The following ENOPH1 variants were observed in gnomAD, a reference collection of about 807,000 sequenced individuals.
ENOPH1 encodes enolase-phosphatase 1, also known as enolase-phosphatase E1.
ENOPH1 carries 14 observed loss-of-function variants against 31.1 expected under a neutral mutation model. That is an observed-to-expected ratio of 0.45 (90% CI 0.30 to 0.70). The LOEUF (loss-of-function observed/expected upper bound fraction) is 0.70. Ranked by LOEUF, ENOPH1 falls within the 30% of genes least tolerant of loss-of-function variation. The pLI, the probability that ENOPH1 is intolerant of heterozygous loss-of-function variation, is 0.09. For synonymous variants in ENOPH1, 127 were observed against 123.2 expected (o/e 1.03, Z -0.21); for missense variants, 243 against 321.5 (o/e 0.76, Z 1.87).
intron 1 of ENOPH1, among the ~76,000 whole-genome samples, chr4:82,436,311 G>A (rs1013239841): frequency 2.0e-5 from 3 of 152,156 alleles, no homozygotes; most frequent in Non-Finnish European, 2.9e-5. Context: ...ATGGTAGTAC[G>A]TGAGAGGATT....
intron 2 of ENOPH1, among the ~76,000 whole-genome samples, chr4:82,448,617 A>G (rs991126879): frequency 3.3e-5 from 5 of 151,692 alleles, no homozygotes; most frequent in African/African-American, 1.2e-4. Flanking sequence ...CAATTTAAAT[A>G]GCTCTAGAAA....
rs1418149534 is a variant in ENOPH1, at chr4:82,451,071, C to T, written c.215C>T (p.Ala72Val). The stretch of plus-strand genomic sequence containing the variant: ...GAAGAGGACGCCCACCTGGATGGGG[C>T]TGTTCCTATCCCTGCAGCATCTGGG... ...QAEEDAHLDG[A>V]VPIPAASGNG... Residue 72 changes from alanine (A) to valine (V), a missense_variant, in exon 3 of 6, where the codon GCT (alanine) becomes GTT (valine). By Grantham distance (64) the Ala-to-Val change is moderately conservative. Transcript: ENST00000273920. The T allele has an allele frequency of 1.2e-6, 2 of 1,614,152 alleles. No homozygotes were observed. Among genetic ancestry groups the T allele is most frequent in the South Asian group, 2.2e-5 (2 of 91,084 alleles).
rs189538159 is a variant in ENOPH1, at chr4:82,441,801, T to C, written c.85-6119T>C. 1.5e-4 allele frequency among the ~76,000 whole-genome samples: 22 copies of C among 151,534 alleles called. No homozygotes were observed. The East Asian group carries it at 4.3e-3, about 29-fold the overall frequency. Reference sequence around the variant, plus strand: ...AAAACAACAACAACAACAACAAAAATAAATTTAAAAAACCAAAAAAGCCTA... The same window carrying C: ...AAAACAACAACAACAACAACAAAAACAAATTTAAAAAACCAAAAAAGCCTA... On this transcript the variant is annotated intron_variant, in intron 1 of 5. Transcript: ENST00000273920.
At chr4:82,433,819 C>T (rs1337600768) in intron 1 of ENOPH1, among the ~76,000 whole-genome samples, 4 of 152,202 alleles carry the variant, frequency 2.6e-5, no homozygotes, top group Non-Finnish European at 5.9e-5. Flanking sequence ...TAGAGTATCT[C>T]AGTGACTAAT....
intron 5 of ENOPH1, among the ~76,000 whole-genome samples, chr4:82,457,621 A>C (rs1314962005): frequency 1.3e-5 from 2 of 151,090 alleles, no homozygotes; most frequent in Non-Finnish European, 3.0e-5. Context: ...CGCTATGTAC[A>C]CACACACACA....
intron 5 of ENOPH1, among the ~76,000 whole-genome samples, chr4:82,458,727 G>A (rs932109460): frequency 8.5e-5 from 13 of 152,276 alleles, no homozygotes; most frequent in African/African-American, 2.2e-4. Context: ...TGCCAGTCAC[G>A]ATGAAAACTT....
intron 1 of ENOPH1, among the ~76,000 whole-genome samples, chr4:82,432,533 AG>A (rs1023016661): frequency 6.6e-6 from 1 of 152,038 alleles, no homozygotes; most frequent in Non-Finnish European, 1.5e-5. Flanking sequence ...TTAGTAGAAG[AG>A]GGTTTCACCA....
intron 1 of ENOPH1, among the ~76,000 whole-genome samples, chr4:82,438,833 A>G (rs930078047): frequency 3.3e-5 from 5 of 151,754 alleles, no homozygotes; most frequent in Non-Finnish European, 5.9e-5. Context: ...AAAATTTTCT[A>G]TCCTTGCAGC....
intron 1 of ENOPH1, among the ~76,000 whole-genome samples, chr4:82,437,318 T>G (rs1209999779): frequency 6.6e-6 from 1 of 152,188 alleles, no homozygotes; most frequent in Non-Finnish European, 1.5e-5. Flanking sequence ...AGGAAGACAG[T>G]TACATAAATA....
intron 5 of ENOPH1, among the ~76,000 whole-genome samples, chr4:82,459,079 C>T (rs1013218031): frequency 6.6e-5 from 10 of 152,096 alleles, no homozygotes; most frequent in East Asian, 3.8e-4. Context: ...CTAAATTCCA[C>T]GGGATTTATA....
intron 5 of ENOPH1, among the ~76,000 whole-genome samples, chr4:82,458,220 A>G (rs919945687): frequency 6.6e-6 from 1 of 152,196 alleles, no homozygotes; most frequent in African/African-American, 2.4e-5. Flanking sequence ...AATATCCCAA[A>G]TAATGGCTGG....
intron 2 of ENOPH1, among the ~76,000 whole-genome samples, chr4:82,448,462 G>A (rs903621827): frequency 9.2e-5 from 14 of 151,578 alleles, no homozygotes; most frequent in East Asian, 2.0e-4. Context: ...GGGTTTCACC[G>A]CATTGGACAG....
rs1292770341 is a variant in ENOPH1, at chr4:82,460,618, G to A, written c.*498G>A. The stretch of plus-strand genomic sequence containing the variant: ...CCTCCTTATATATATCAAAGACCAA[G>A]GTATTTCCTTCTGCTTCAAAAGAAC... On this transcript the variant is annotated 3_prime_UTR_variant, in exon 6 of 6. Transcript: ENST00000273920. The A allele has an allele frequency of 6.6e-6, 1 of 152,216 alleles. No homozygotes were observed. Among genetic ancestry groups the A allele is most frequent in the Non-Finnish European group, 1.5e-5 (1 of 68,046 alleles). 9.4% of individuals were successfully genotyped at this position (152,216 alleles called of 1,614,324 possible).
chr4:82,449,436 G>A (rs1481067448), intron 2 of ENOPH1, among the ~76,000 whole-genome samples: 3 of 152,148 alleles, frequency 2.0e-5, no homozygotes, highest in African/African-American at 7.2e-5. Context: ...TCTGCTTCTG[G>A]GGAGACCTCA....
rs767256442 is a variant in ENOPH1, at chr4:82,460,140, A to G, written c.*20A>G. On this transcript the variant is annotated 3_prime_UTR_variant, in exon 6 of 6. Transcript: ENST00000273920. Reference sequence around the variant, plus strand: ...ACCTAGAGAAGGGTTGTTAAGGCAGACCGCCCTGTTCCCCAGAGTTGTCCC... The same window carrying G: ...ACCTAGAGAAGGGTTGTTAAGGCAGGCCGCCCTGTTCCCCAGAGTTGTCCC... 9 of 1,613,908 alleles carry G rather than the reference A, an allele frequency of 5.6e-6. No individual in the cohort carries two copies. The East Asian group carries it at 6.7e-5, about 12-fold the overall frequency.
At chr4:82,442,336 A>G (rs1173464166) in intron 1 of ENOPH1, among the ~76,000 whole-genome samples, 3 of 152,296 alleles carry the variant, frequency 2.0e-5, no homozygotes, top group Non-Finnish European at 2.9e-5. Flanking sequence ...CCTGGCCAAC[A>G]TGGTGAAACC....
intron 1 of ENOPH1, among the ~76,000 whole-genome samples, chr4:82,438,056 G>A (rs1305340050): frequency 6.6e-6 from 1 of 152,286 alleles, no homozygotes; most frequent in East Asian, 1.9e-4. Flanking sequence ...TGTCATAAAA[G>A]AGAAAATTTT....
chr4:82,451,973 G>A (rs1722363867), intron 3 of ENOPH1, among the ~76,000 whole-genome samples: 1 of 152,116 alleles, frequency 6.6e-6, no homozygotes, highest in South Asian at 2.1e-4. Context: ...TACAGATGGG[G>A]TTCTACCATG....
At position 82,430,608 on chromosome 4, in the gene ENOPH1, G is replaced by A. The variant is rs966732827; in HGVS notation, c.-222G>A. ...CCACGTGGTCTCGGGCTCCTGCCCC[G>A]TCCTGCTCACGAGTTCAGGGCTCCT... On this transcript the variant is annotated 5_prime_UTR_variant, in exon 1 of 6. Coordinates refer to ENST00000273920, the MANE Select transcript of ENOPH1 (RefSeq NM_021204.5). 5.5e-6 allele frequency: 3 copies of A among 549,986 alleles called. No individual in the cohort carries two copies. Among genetic ancestry groups the A allele is most frequent in the Admixed American group, 3.1e-5 (1 of 31,764 alleles). 34.1% of individuals were successfully genotyped at this position (549,986 alleles called of 1,614,324 possible). A position where few individuals can be genotyped will look rare whatever the true frequency, so the allele number is the denominator to read the frequency against.
Sources: allele counts gnomAD v4.1 joint callset (sites outside exome capture counted in the v4.1 genomes callset), GRCh38; gene constraint gnomAD v4.1.1; transcripts MANE v1.5; gene names NCBI Gene and HGNC (gene_info 2026-07-23, HGNC 2026-07-21).